Variants in PIK3AP1 observed in about 807,000 individuals in gnomAD.
PIK3AP1 encodes the protein phosphoinositide-3-kinase adaptor protein 1, also known as phosphoinositide 3-kinase adapter protein 1.
Under a neutral mutation model 88.1 loss-of-function variants are expected in PIK3AP1, and 21 were observed. The observed-to-expected ratio is 0.24, with a 90% CI of 0.17 to 0.34. The LOEUF (loss-of-function observed/expected upper bound fraction) is 0.34. PIK3AP1 is among the 10% of genes least tolerant of loss of function. The probability of loss-of-function intolerance (pLI) is 1.00; values close to 1 mark genes in which losing one functional copy is unlikely to be tolerated. For synonymous variants in PIK3AP1, 398 were observed against 400.0 expected, an observed-to-expected ratio of 1.00 and a Z score of 0.06; for missense variants, 828 against 1,035.7, an observed-to-expected ratio of 0.80 and a Z score of 2.75.
intron 2 of PIK3AP1, among the ~76,000 whole-genome samples, chr10:96,659,302 C>A (rs1843655214): frequency 6.6e-6 from 1 of 152,080 alleles, no homozygotes; most frequent in Non-Finnish European, 1.5e-5. Flanking sequence ...TTTCTTGCTC[C>A]AGAATTTTTT....
At chr10:96,677,048 C>T (rs576565564) in intron 2 of PIK3AP1, among the ~76,000 whole-genome samples, 1 of 152,218 alleles carries the variant, frequency 6.6e-6, no homozygotes, top group African/African-American at 2.4e-5. Flanking sequence ...GCAGGAGCAC[C>T]GAGCCCATCT....
intron 8 of PIK3AP1, 105 bp downstream of exon 8, chr10:96,645,368 G>C: frequency 8.9e-7 from 1 of 1,129,902 alleles, no homozygotes; most frequent in Non-Finnish European, 1.3e-6. Context: ...TCTCTCTGGG[G>C]TGAAGTGAGG....
chr10:96,675,082 G>A (rs1049723314), intron 2 of PIK3AP1, among the ~76,000 whole-genome samples: 1 of 152,198 alleles, frequency 6.6e-6, no homozygotes, highest in East Asian at 1.9e-4. Flanking sequence ...TAGCAGAGAT[G>A]GGTTTTCACC....
chr10:96,702,614 C>CCA (rs3035892), intron 2 of PIK3AP1, among the ~76,000 whole-genome samples: 60,278 of 144,964 alleles, frequency 0.42, 12,217 homozygotes, highest in African/African-American at 0.5. Flanking sequence ...AGTGTTCTCA[C>CCA]CACACACACA....
At chr10:96,638,443 GACAC>G (rs1204346104) in intron 8 of PIK3AP1, among the ~76,000 whole-genome samples, 19 of 132,874 alleles carry the variant, frequency 1.4e-4, no homozygotes, top group Non-Finnish European at 2.5e-4. Flanking sequence ...AACGGACTAA[GACAC>G]ACACACAGAC....
At chr10:96,679,120 A>G (rs961658776) in intron 2 of PIK3AP1, among the ~76,000 whole-genome samples, 3 of 152,238 alleles carry the variant, frequency 2.0e-5, no homozygotes, top group African/African-American at 7.2e-5. Context: ...CTGAAGAATC[A>G]TTTAGTGCAA....
At chr10:96,657,038 T>C (rs1011935646) in intron 2 of PIK3AP1, 104 bp from the exon 3 acceptor site, 2 of 1,245,802 alleles carry the variant, frequency 1.6e-6, no homozygotes, top group East Asian at 2.4e-5. Context: ...GAAACGGCTC[T>C]GAATGTCAAA....
intron 2 of PIK3AP1, among the ~76,000 whole-genome samples, chr10:96,667,018 G>C (rs569626020): frequency 6.6e-6 from 1 of 152,306 alleles, no homozygotes; most frequent in East Asian, 1.9e-4. Flanking sequence ...ACGCCTAAAG[G>C]TGCTGCCTTG....
At chr10:96,674,444 T>C (rs1378997898) in intron 2 of PIK3AP1, among the ~76,000 whole-genome samples, 1 of 152,240 alleles carries the variant, frequency 6.6e-6, no homozygotes, top group African/African-American at 2.4e-5. Flanking sequence ...GTGATCAACA[T>C]GCAGAAGCCC....
At position 96,648,709 on chromosome 10, in the gene PIK3AP1, C is replaced by T. The variant is rs772582383; in HGVS notation, c.1135G>A (p.Ala379Thr). 4 of 1,609,862 alleles carry T rather than the reference C, an allele frequency of 2.5e-6. No individual in the cohort carries two copies. Among genetic ancestry groups the T allele is most frequent in the Non-Finnish European group, 3.4e-6 (4 of 1,178,332 alleles). The change falls in exon 7 of 17, where the codon GCT becomes ACT. Residue 379 changes from alanine to threonine, a missense_variant. Coordinates refer to ENST00000339364, the MANE Select transcript of PIK3AP1 (RefSeq NM_152309.3). ...AGGTCCCTGAAGCCGTGTTTCTCAG[C>T]GATGGTGTTGGGGTAGTGGCCATGC... ...NKHGHYPNTI[A>T]EKHGFRDLRQ... is the part of the protein sequence containing the mutation.
At chr10:96,717,600 C>T (rs1021546420) in intron 1 of PIK3AP1, among the ~76,000 whole-genome samples, 1 of 152,282 alleles carries the variant, frequency 6.6e-6, no homozygotes, top group Non-Finnish European at 1.5e-5. Flanking sequence ...GCTCCATGGT[C>T]CTGTAAGTCC....
intron 7 of PIK3AP1, among the ~76,000 whole-genome samples, chr10:96,646,930 T>A (rs1295256974): frequency 6.6e-6 from 1 of 152,194 alleles, no homozygotes; most frequent in African/African-American, 2.4e-5. Context: ...TACCCTAAGA[T>A]AGCTAATCTT....
At chr10:96,668,517 A>C (rs533994034) in intron 2 of PIK3AP1, among the ~76,000 whole-genome samples, 1 of 152,336 alleles carries the variant, frequency 6.6e-6, no homozygotes, top group South Asian at 2.1e-4. Context: ...AGGAAAAAGA[A>C]AGTGAGCAGA....
chr10:96,712,946 G>A (rs1844457370), intron 1 of PIK3AP1, among the ~76,000 whole-genome samples: 1 of 152,244 alleles, frequency 6.6e-6, no homozygotes, highest in Non-Finnish European at 1.5e-5. Context: ...AGGGATGGTT[G>A]TGGTCCCATA....
At chr10:96,645,719 A>T in intron 7 of PIK3AP1, 57 bp from the exon 8 acceptor site, 1 of 1,488,514 alleles carries the variant, frequency 6.7e-7, no homozygotes, top group African/African-American at 1.4e-5. Context: ...TCCGGGTGGA[A>T]CTTGGCCCCC....
rs576688362 is a variant in PIK3AP1 at position 96,684,786 on chromosome 10, C to T, written c.430+24781G>A. Among the ~76,000 whole-genome samples the T allele has an allele frequency of 3.8e-4, 58 of 152,160 alleles. 1 individual carries two copies. In the South Asian group the frequency reaches 4.6e-3, roughly 12 times the overall value. ...ATTTTAAAAAAACTTCACCAAGAAC[C>T]ATCAGCAATGGAAAACCTAAATAAG... On this transcript the variant is annotated intron_variant, in intron 2 of 16. Coordinates refer to ENST00000339364, the MANE Select transcript of PIK3AP1 (RefSeq NM_152309.3).
chr10:96,628,918 A>ATATATATATATT (rs1843199172), intron 8 of PIK3AP1, among the ~76,000 whole-genome samples: 1 of 122,562 alleles, frequency 8.2e-6, no homozygotes, highest in African/African-American at 3.1e-5. Flanking sequence ...GTGTATATAT[A>ATATATATATATT]TATATATATA....
At chr10:96,605,632 T>C (rs1589481674) in intron 14 of PIK3AP1, among the ~76,000 whole-genome samples, 1 of 152,252 alleles carries the variant, frequency 6.6e-6, no homozygotes, top group East Asian at 1.9e-4. Context: ...AAAATAGTTT[T>C]GACTGCATTC....
intron 2 of PIK3AP1, among the ~76,000 whole-genome samples, chr10:96,669,005 G>T (rs1391826526): frequency 1.3e-5 from 2 of 152,224 alleles, no homozygotes; most frequent in East Asian, 3.9e-4. Flanking sequence ...GGTGGCACAC[G>T]CCTGTAATCC....
Sources: gnomAD v4.1 joint callset for allele counts (sites outside exome capture counted in the v4.1 genomes callset) on GRCh38, gnomAD v4.1.1 for gene constraint, MANE v1.5 for transcripts, NCBI Gene and HGNC (gene_info 2026-07-23, HGNC 2026-07-21) for gene names.